Variants in DDX60L observed in about 807,000 individuals in gnomAD.
The protein encoded by DDX60L is DExD/H-box 60 like, also known as probable ATP-dependent RNA helicase DDX60-like.
In DDX60L, 191 loss-of-function variants were observed where a neutral mutation model predicts 211.6. The observed-to-expected ratio is 0.90, with a 90% CI of 0.80 to 1.02. The LOEUF (loss-of-function observed/expected upper bound fraction) is 1.02, where lower values mean the gene tolerates loss of function less well. DDX60L is among the 50% of genes least tolerant of loss of function. The pLI, the probability that DDX60L is intolerant of heterozygous loss-of-function variation, is 0.00. For missense variants in DDX60L, 2,007 were observed against 1,984.1 expected (o/e 1.01, Z -0.22); for synonymous variants, 706 against 694.1 (o/e 1.02, Z -0.27).
intron 19 of DDX60L, among the ~76,000 whole-genome samples, chr4:168,418,192 C>G (rs1317506979): frequency 6.6e-6 from 1 of 152,100 alleles, no homozygotes; most frequent in Non-Finnish European, 1.5e-5. Flanking sequence ...CTCAGTCTCC[C>G]GAATAGCTGA....
At position 168,472,755 on chromosome 4, in the gene DDX60L, T is replaced by G. The variant is rs1188417502; in HGVS notation, c.-56A>C. On this transcript the variant is annotated 5_prime_UTR_variant, in exon 2 of 38. Coordinates refer to ENST00000682922, the MANE Select transcript of DDX60L (RefSeq NM_001012967.3). ...GAGTAGAGCTGGAATTTATTAAATA[T>G]GGCTGATTTATTTTGACACCTCTAA... 2 of 1,594,946 alleles carry G rather than the reference T, an allele frequency of 1.3e-6. No homozygotes were observed. Among genetic ancestry groups the G allele is most frequent in the Admixed American group, 3.5e-5 (2 of 57,222 alleles).
intron 33 of DDX60L, chr4:168,377,629 C>T (rs948152506): frequency 6.6e-6 from 1 of 152,024 alleles, no homozygotes; most frequent in Admixed American, 6.6e-5. Flanking sequence ...CAGTGGTTTG[C>T]AATGTGGATA....
At chr4:168,460,611 A>T (rs553016663) in intron 5 of DDX60L, among the ~76,000 whole-genome samples, 21 of 151,560 alleles carry the variant, frequency 1.4e-4, no homozygotes, top group South Asian at 6.3e-4. Context: ...TTCTTTACTT[A>T]TAACACTAAC....
chr4:168,420,742 G>T (rs1262802124), intron 17 of DDX60L, among the ~76,000 whole-genome samples: 1 of 151,942 alleles, frequency 6.6e-6, no homozygotes, highest in Non-Finnish European at 1.5e-5. Flanking sequence ...ATGGGCAAAT[G>T]AATGACTTTC....
At chr4:168,398,544 C>T (rs1579377093) in intron 26 of DDX60L, among the ~76,000 whole-genome samples, 1 of 152,294 alleles carries the variant, frequency 6.6e-6, no homozygotes, top group African/African-American at 2.4e-5. Context: ...GGTGAAGTCC[C>T]ACCTTCAAGC....
At position 168,385,010 on chromosome 4, in the gene DDX60L, A is replaced by G. The variant is rs142581735; in HGVS notation, c.3916-198T>C. Among the ~76,000 whole-genome samples the G allele has an allele frequency of 2.8e-3, 429 of 152,300 alleles. 2 individuals carry two copies. The highest frequency in any genetic ancestry group is 9.8e-3 in the African/African-American group (407 of 41,564). ...GAGATAAGGAGGCATTGTGATATAT[A>G]TTTGGTCTTTGGCCCCAGTTGCTGG... is the stretch of plus-strand genomic sequence containing the variant. On this transcript the variant is annotated intron_variant, in intron 29 of 37. Transcript: ENST00000682922.
chr4:168,364,026 G>T (rs1001486105), intron 36 of DDX60L, among the ~76,000 whole-genome samples: 6 of 152,116 alleles, frequency 3.9e-5, no homozygotes, highest in African/African-American at 1.2e-4. Flanking sequence ...AGGCTGAGCT[G>T]GGAGGACTGA....
intron 9 of DDX60L, among the ~76,000 whole-genome samples, chr4:168,445,705 G>A (rs1460075895): frequency 6.6e-6 from 1 of 150,972 alleles, no homozygotes; most frequent in African/African-American, 2.4e-5. Context: ...TTCATCCCTG[G>A]GATGCAAGGC....
chr4:168,380,940 A>C (rs978529771), intron 30 of DDX60L: 1 of 152,244 alleles, frequency 6.6e-6, no homozygotes, highest in Non-Finnish European at 1.5e-5. Flanking sequence ...CAAAGAGGTT[A>C]GCTGCATTGT....
intron 12 of DDX60L, among the ~76,000 whole-genome samples, chr4:168,431,118 T>C (rs78463805): frequency 0.05 from 7,544 of 152,254 alleles, 267 homozygotes; most frequent in Middle Eastern, 0.11. Flanking sequence ...ACATTCTGTT[T>C]GCACTCCTAA....
chr4:168,378,088 T>C (rs1436481763), intron 33 of DDX60L, among the ~76,000 whole-genome samples: 1 of 152,212 alleles, frequency 6.6e-6, no homozygotes, highest in Non-Finnish European at 1.5e-5. Flanking sequence ...AAATGACTAT[T>C]TGTGTATGTA....
At chr4:168,465,492 A>T (rs1351962521) in intron 4 of DDX60L, among the ~76,000 whole-genome samples, 1 of 151,974 alleles carries the variant, frequency 6.6e-6, no homozygotes, top group Non-Finnish European at 1.5e-5. Flanking sequence ...GAAACTTTTT[A>T]GTTTGATATA....
chr4:168,437,479 C>T (rs2953030), intron 10 of DDX60L, among the ~76,000 whole-genome samples: 112,359 of 151,110 alleles, frequency 0.74, 42,864 homozygotes, highest in East Asian at 0.91. Flanking sequence ...CAAAGTCCAA[C>T]CCCCGCAACT....
chr4:168,401,516 C>A (rs1401751671), intron 25 of DDX60L, among the ~76,000 whole-genome samples: 1 of 152,240 alleles, frequency 6.6e-6, no homozygotes, highest in Non-Finnish European at 1.5e-5. Flanking sequence ...TTCTCAGGAT[C>A]TCCTGTGGGA....
intron 32 of DDX60L, 32 bp from the exon 33 acceptor site, chr4:168,378,507 G>C: frequency 6.9e-7 from 1 of 1,447,800 alleles, no homozygotes; most frequent in Middle Eastern, 1.8e-4. Flanking sequence ...TTATAAATAA[G>C]AATAATGTTG....
At chr4:168,442,462 C>G (rs1239778586) in intron 9 of DDX60L, among the ~76,000 whole-genome samples, 1 of 152,228 alleles carries the variant, frequency 6.6e-6, no homozygotes, top group Non-Finnish European at 1.5e-5. Context: ...GGGCGCCCGC[C>G]ATTGCCCAGG....
intron 28 of DDX60L, among the ~76,000 whole-genome samples, chr4:168,391,934 A>T (rs183352983): frequency 3.3e-5 from 5 of 152,316 alleles, no homozygotes; most frequent in Admixed American, 6.5e-5. Context: ...GACTTCCTGC[A>T]CCATCGTTTC....
intron 32 of DDX60L, 70 bp from the exon 33 acceptor site, chr4:168,378,545 T>C: frequency 7.9e-7 from 1 of 1,259,214 alleles, no homozygotes; most frequent in Admixed American, 3.2e-5. Context: ...CCTAAATTTG[T>C]TTTTATAGTA....
At chr4:168,416,566 G>A in intron 20 of DDX60L, 116 bp downstream of exon 20, 1 of 568,032 alleles carries the variant, frequency 1.8e-6, no homozygotes, top group South Asian at 5.4e-5. Flanking sequence ...CAAAGATTGG[G>A]TAATAAATTT....
Sources: gnomAD v4.1 joint callset for allele counts (sites outside exome capture counted in the v4.1 genomes callset) on GRCh38, gnomAD v4.1.1 for gene constraint, MANE v1.5 for transcripts, NCBI Gene and HGNC (gene_info 2026-07-23, HGNC 2026-07-21) for gene names.